PRKG1: variants seen among roughly 807,000 people sequenced by gnomAD.
PRKG1 encodes cGMP-dependent protein kinase 1.
A neutral mutation model predicts 88.1 loss-of-function variants in PRKG1; 35 were observed. The observed-to-expected ratio is 0.40, with a 90% CI of 0.30 to 0.53. PRKG1 has a LOEUF of 0.53. PRKG1 is among the 20% of genes least tolerant of loss of function. PRKG1 has a pLI of 0.59. For missense variants in PRKG1, 540 were observed against 839.8 expected (o/e 0.64, Z 4.41); for synonymous variants, 303 against 292.5 (o/e 1.04, Z -0.37).
chr10:51,373,285 G>C (rs1842740919), intron 2 of PRKG1, among the ~76,000 whole-genome samples: 1 of 152,158 alleles, frequency 6.6e-6, no homozygotes, highest in African/African-American at 2.4e-5. Context: ...TGTGGATCCA[G>C]AATCTGGAAA....
intron 3 of PRKG1, among the ~76,000 whole-genome samples, chr10:51,493,919 G>A (rs975910663): frequency 2.6e-5 from 4 of 152,086 alleles, no homozygotes; most frequent in Non-Finnish European, 5.9e-5. Flanking sequence ...AGAATTACAG[G>A]GACTATAGAT....
At chr10:51,732,539 G>A (rs1837142659) in intron 3 of PRKG1, among the ~76,000 whole-genome samples, 2 of 152,288 alleles carry the variant, frequency 1.3e-5, no homozygotes, top group Middle Eastern at 3.4e-3. Flanking sequence ...ATTCAAGAAA[G>A]TGAAATTCTT....
chr10:51,734,354 A>G (rs1837209317), intron 3 of PRKG1, among the ~76,000 whole-genome samples: 1 of 152,206 alleles, frequency 6.6e-6, no homozygotes, highest in Non-Finnish European at 1.5e-5. Flanking sequence ...TGTACACTGA[A>G]ATTATCTACA....
intron 3 of PRKG1, among the ~76,000 whole-genome samples, chr10:51,792,262 C>T (rs1219070581): frequency 1.3e-5 from 2 of 152,066 alleles, no homozygotes; most frequent in Admixed American, 1.3e-4. Flanking sequence ...TCCTTTCACT[C>T]TTGATCCCGT....
chr10:51,955,744 A>G (rs1287293876), intron 5 of PRKG1, among the ~76,000 whole-genome samples: 1 of 152,198 alleles, frequency 6.6e-6, no homozygotes, highest in Non-Finnish European at 1.5e-5. Flanking sequence ...AGAGAATGAC[A>G]TAGAATTTGT....
chr10:51,779,468 A>G (rs977972437), intron 3 of PRKG1, among the ~76,000 whole-genome samples: 3 of 152,194 alleles, frequency 2.0e-5, no homozygotes, highest in Non-Finnish European at 2.9e-5. Flanking sequence ...GAGTCAGCAT[A>G]TGAACCCAAG....
intron 17 of PRKG1, among the ~76,000 whole-genome samples, 182 bp from the exon 18 acceptor site, chr10:52,293,620 C>T (rs1842318728): frequency 6.6e-6 from 1 of 152,102 alleles, no homozygotes; most frequent in Non-Finnish European, 1.5e-5. Flanking sequence ...AGGGTATAAA[C>T]TCTCCAAGGA....
intron 2 of PRKG1, among the ~76,000 whole-genome samples, chr10:51,261,330 A>G (rs1839699351): frequency 6.6e-6 from 1 of 152,230 alleles, no homozygotes; most frequent in Admixed American, 6.5e-5. Context: ...AAATATCTGT[A>G]TTTCTCCAGA....
intron 3 of PRKG1, among the ~76,000 whole-genome samples, chr10:51,514,224 T>C (rs527337561): frequency 2.0e-5 from 3 of 151,718 alleles, no homozygotes; most frequent in Middle Eastern, 3.4e-3. Flanking sequence ...AACACCTCTA[T>C]GCAAATAAAC....
intron 4 of PRKG1, among the ~76,000 whole-genome samples, chr10:51,816,175 A>G (rs1839579925): frequency 6.6e-6 from 1 of 152,214 alleles, no homozygotes; most frequent in Non-Finnish European, 1.5e-5. Context: ...TCCCAGCATC[A>G]GTAATGAATC....
chr10:51,311,904 T>C (rs192360107), intron 2 of PRKG1, among the ~76,000 whole-genome samples: 1 of 152,184 alleles, frequency 6.6e-6, no homozygotes, highest in Non-Finnish European at 1.5e-5. Context: ...GGTGTTTCAC[T>C]CTTGTTACCC....
intron 5 of PRKG1, among the ~76,000 whole-genome samples, chr10:52,007,153 C>A (rs1844758168): frequency 6.6e-6 from 1 of 152,134 alleles, no homozygotes; most frequent in Non-Finnish European, 1.5e-5. Context: ...AGACCGTTAC[C>A]AGCAAGTACA....
intron 3 of PRKG1, among the ~76,000 whole-genome samples, chr10:51,644,844 G>A (rs1412914434): frequency 6.6e-6 from 1 of 152,098 alleles, no homozygotes; most frequent in Non-Finnish European, 1.5e-5. Flanking sequence ...GTAGTGCAGT[G>A]GCGTGATCTC....
At chr10:51,887,580 C>T (rs1280597800) in intron 4 of PRKG1, among the ~76,000 whole-genome samples, 2 of 152,178 alleles carry the variant, frequency 1.3e-5, no homozygotes, top group Admixed American at 6.6e-5. Flanking sequence ...CAACACTTAC[C>T]TTTTGTTTCT....
intron 1 of PRKG1, among the ~76,000 whole-genome samples, chr10:51,106,206 T>C (rs747928334): frequency 6.6e-6 from 1 of 152,228 alleles, no homozygotes; most frequent in Admixed American, 6.5e-5. Context: ...ACAAGAATAC[T>C]ATACACCTCA....
At chr10:51,854,761 G>T (rs1217526581) in intron 4 of PRKG1, among the ~76,000 whole-genome samples, 1 of 152,082 alleles carries the variant, frequency 6.6e-6, no homozygotes, top group Non-Finnish European at 1.5e-5. Flanking sequence ...GAAACAAAAT[G>T]TTTCCCCATT....
intron 12 of PRKG1, among the ~76,000 whole-genome samples, 196 bp downstream of exon 12, chr10:52,272,677 GTAAC>G (rs1463565153): frequency 1.3e-5 from 2 of 152,012 alleles, no homozygotes; most frequent in African/African-American, 2.4e-5. Context: ...AACTCACTTT[GTAAC>G]TAACAATACA....
chr10:51,944,064 G>T (rs1347172703), intron 5 of PRKG1, among the ~76,000 whole-genome samples: 3 of 151,948 alleles, frequency 2.0e-5, no homozygotes, highest in Non-Finnish European at 2.9e-5. Flanking sequence ...GTAGAATTCG[G>T]CTGTGAATCC....
At chr10:51,489,590 C>T (rs1840652123) in intron 3 of PRKG1, among the ~76,000 whole-genome samples, 1 of 152,160 alleles carries the variant, frequency 6.6e-6, no homozygotes, top group African/African-American at 2.4e-5. Flanking sequence ...TAGATTATGT[C>T]ACAGCTATAG....
Sources: gnomAD v4.1 joint callset for allele counts (sites outside exome capture counted in the v4.1 genomes callset) on GRCh38, gnomAD v4.1.1 for gene constraint, MANE v1.5 for transcripts, NCBI Gene and HGNC (gene_info 2026-07-23, HGNC 2026-07-21) for gene names.